Variants in DENND3 observed in about 807,000 individuals in gnomAD.
DENND3 encodes the protein DENN domain containing 3.
In DENND3, 88 loss-of-function variants were observed where a neutral mutation model predicts 135.1. The observed-to-expected ratio is 0.65, with a 90% CI of 0.55 to 0.78. The LOEUF is 0.78. DENND3 is among the 30% of genes least tolerant of loss of function. The pLI is 0.00. For missense variants in DENND3, 1,392 were observed against 1,688.4 expected, an observed-to-expected ratio of 0.82 and a Z score of 3.08; for synonymous variants, 693 against 712.3, an observed-to-expected ratio of 0.97 and a Z score of 0.43.
Position 141,168,237 on chromosome 8 carries a change from C to T in DENND3, c.1987C>T (p.Leu663=). 6.2e-7 allele frequency: 1 copy of T among 1,614,144 alleles called. No homozygotes were observed. The highest frequency in any genetic ancestry group is 1.3e-5 in the African/African-American group (1 of 75,022). ...LLNALLDFQN[L]YKTDIRIFPT... ...GAACGCCCTCTTGGACTTCCAGAAT[C>T]TGTATAAAACAGACATACGGATCTT... The change falls in exon 13 of 23, where the codon CTG becomes TTG. Residue 663 remains leucine, a synonymous_variant. Transcript: ENST00000519811. The surrounding 1 kb of genome is among the most constrained non-coding windows in gnomAD (Gnocchi z 6.2).
In DENND3 at chr8:141,155,884, T is replaced by C. The variant is rs776416287; in HGVS notation, c.1110T>C (p.His370=). ...GTTTAGTTCTGATAAATATTGATCATGGGAGCATCACCTACTCCAAGTCCA... is the reference window on the plus strand; with the variant it reads ...GTTTAGTTCTGATAAATATTGATCACGGGAGCATCACCTACTCCAAGTCCA... ...ADGLVLINID[H]GSITYSKSTD... The change falls in exon 8 of 23, where the codon CAT becomes CAC. Residue 370 remains histidine, a synonymous_variant. Transcript: ENST00000519811. 7.4e-6 allele frequency: 12 copies of C among 1,612,684 alleles called. No homozygotes were observed. Among genetic ancestry groups the C allele is most frequent in the Middle Eastern group, 1.7e-4 (1 of 6,056 alleles).
rs907069094 is a variant in DENND3, at chr8:141,130,829, G to A, written c.102+2020G>A. 1.3e-5 allele frequency among the ~76,000 whole-genome samples: 2 copies of A among 152,018 alleles called. No individual in the cohort carries two copies. Among genetic ancestry groups the A allele is most frequent in the South Asian group, 2.1e-4 (1 of 4,834 alleles). ...AGCCTCCTAAGTAGCTGGGATTACA[G>A]GCGTGTGCCACCATGCCCAGCTAAT... On this transcript the variant is annotated intron_variant, in intron 1 of 22. Coordinates refer to ENST00000519811, the MANE Select transcript of DENND3 (RefSeq NM_001352890.3). This position sits in a 1 kb window ranked among gnomAD's most constrained non-coding sequence, Gnocchi z 4.2.
chr8:141,172,107 A>G (rs1589661596), intron 13 of DENND3, among the ~76,000 whole-genome samples: 1 of 144,532 alleles, frequency 6.9e-6, no homozygotes, highest in East Asian at 2.1e-4. Context: ...GTGGGTGTGC[A>G]CGGTGGTGGG....
chr8:141,164,543 T>C (rs1820528608), intron 10 of DENND3, among the ~76,000 whole-genome samples: 1 of 152,220 alleles, frequency 6.6e-6, no homozygotes, highest in Admixed American at 6.5e-5. Context: ...GCCTTGGCTG[T>C]TGGGAGCGTG....
intron 17 of DENND3, among the ~76,000 whole-genome samples, chr8:141,183,732 TTTTG>T (rs1286516351): frequency 1.5e-5 from 2 of 137,480 alleles, no homozygotes; most frequent in Middle Eastern, 3.2e-3. Flanking sequence ...CAGTTTTTTG[TTTTG>T]TTTTTTTTTT....
At position 141,146,047 on chromosome 8, in the gene DENND3, C is replaced by T. The variant is rs1241515895; in HGVS notation, c.735+1788C>T. On this transcript the variant is annotated intron_variant, in intron 5 of 22. Coordinates refer to ENST00000519811, the MANE Select transcript of DENND3 (RefSeq NM_001352890.3). This position sits in a 1 kb window ranked among gnomAD's most constrained non-coding sequence, Gnocchi z 4.3. The stretch of plus-strand genomic sequence containing the variant: ...TATTTTTAGTAGAGATGGGGTTTCA[C>T]CTTGTTAGCCAGGGTGGTCTCGATC... Among the ~76,000 whole-genome samples the T allele has an allele frequency of 6.6e-6, 1 of 151,704 alleles. No individual in the cohort carries two copies. The highest frequency in any genetic ancestry group is 1.5e-5 in the Non-Finnish European group (1 of 67,906).
rs1046048066 is a variant in DENND3 at position 141,180,932 on chromosome 8, C to T, written c.2944+78C>T. On this transcript the variant is annotated intron_variant, in intron 17 of 22. Coordinates refer to ENST00000519811, the MANE Select transcript of DENND3 (RefSeq NM_001352890.3). ...CTTAGGTTTGGGTTCAGGGTCAGCC[C>T]TGAAGTGAAAGGGGAGCCAGTGTCA... is the stretch of plus-strand genomic sequence containing the variant. 6.4e-6 allele frequency: 8 copies of T among 1,254,128 alleles called. No homozygotes were observed. The African/African-American group carries it at 7.5e-5, about 12-fold the overall frequency. 77.7% of individuals were successfully genotyped at this position (1,254,128 alleles called of 1,614,324 possible).
At chr8:141,171,523 C>T (rs761365529) in intron 13 of DENND3, among the ~76,000 whole-genome samples, 4 of 152,260 alleles carry the variant, frequency 2.6e-5, no homozygotes, top group Admixed American at 6.5e-5. Flanking sequence ...GTATTGGAGG[C>T]GTGTGGGTGA....
chr8:141,130,248 A>G lies in DENND3; in HGVS notation c.102+1439A>G, dbSNP rs11785984. 0.11 allele frequency among the ~76,000 whole-genome samples: 16,802 copies of G among 152,014 alleles called. 983 individuals are homozygous for G. Among genetic ancestry groups the G allele is most frequent in the South Asian group, 0.17 (806 of 4,808 alleles). On this transcript the variant is annotated intron_variant, in intron 1 of 22. Coordinates refer to ENST00000519811, the MANE Select transcript of DENND3 (RefSeq NM_001352890.3). This position sits in a 1 kb window ranked among gnomAD's most constrained non-coding sequence, Gnocchi z 4.2. Reference sequence around the variant, plus strand: ...TTTCTTTATTATTATTATTATGTTAATAATAGAGAGGAGGTCTCACTGTGT... The same window carrying G: ...TTTCTTTATTATTATTATTATGTTAGTAATAGAGAGGAGGTCTCACTGTGT...
chr8:141,151,552 C>T (rs994624299), intron 6 of DENND3, 67 bp from the exon 7 acceptor site: 56 of 1,472,768 alleles, frequency 3.8e-5, no homozygotes, highest in Middle Eastern at 1.9e-4. Context: ...GGCAACACAG[C>T]GAGACCCTGT....
In DENND3 at chr8:141,128,846, G is replaced by A. The variant is rs984941680; in HGVS notation, c.102+37G>A. The A allele has an allele frequency of 4.5e-6, 6 of 1,335,972 alleles. No individual in the cohort carries two copies. The African/African-American group carries it at 6.1e-5, about 14-fold the overall frequency. 82.8% of individuals were successfully genotyped at this position (1,335,972 alleles called of 1,614,324 possible). On this transcript the variant is annotated intron_variant, in intron 1 of 22. Transcript: ENST00000519811. The surrounding 1 kb of genome is among the most constrained non-coding windows in gnomAD (Gnocchi z 4.5). Reference sequence around the variant, plus strand: ...GGAAACTGAGGCGGACGTGGGCCACGAGTCGGCAGCCGGGACAGCAGTCGG... The same window carrying A: ...GGAAACTGAGGCGGACGTGGGCCACAAGTCGGCAGCCGGGACAGCAGTCGG...
chr8:141,144,891 C>T lies in DENND3; in HGVS notation c.735+632C>T, dbSNP rs1817865852. On this transcript the variant is annotated intron_variant, in intron 5 of 22. Coordinates refer to ENST00000519811, the MANE Select transcript of DENND3 (RefSeq NM_001352890.3). This position sits in a 1 kb window ranked among gnomAD's most constrained non-coding sequence, Gnocchi z 4.4. ...TAATGTAGCTTACTTTCCAACCTGA[C>T]TCTGGTATAGCATCCATGACAGATA... 1.3e-5 allele frequency among the ~76,000 whole-genome samples: 2 copies of T among 152,234 alleles called. No individual in the cohort carries two copies. The highest frequency in any genetic ancestry group is 2.9e-5 in the Non-Finnish European group (2 of 68,046).
chr8:141,169,430 C>T (rs757202844), intron 13 of DENND3, among the ~76,000 whole-genome samples: 2 of 152,234 alleles, frequency 1.3e-5, no homozygotes, highest in South Asian at 2.1e-4. Context: ...GCTCCTTGTC[C>T]GGGAGAATTG....
Position 141,156,338 on chromosome 8 carries a change from C to T in DENND3, c.1196+368C>T, listed in dbSNP as rs576549713. On this transcript the variant is annotated intron_variant, in intron 8 of 22. Transcript: ENST00000519811. The stretch of plus-strand genomic sequence containing the variant: ...CTCCTGACCTCAAGTGATCTGCCCA[C>T]CTTGGCTTCCCAAAGTGCTGGGATT... 4.6e-5 allele frequency among the ~76,000 whole-genome samples: 7 copies of T among 152,292 alleles called. No individual in the cohort carries two copies. In the South Asian group the frequency reaches 1.5e-3, roughly 32 times the overall value.
chr8:141,145,378 G>C (rs540838707), intron 5 of DENND3, among the ~76,000 whole-genome samples: 4 of 152,146 alleles, frequency 2.6e-5, no homozygotes, highest in Admixed American at 2.6e-4. Context: ...ATGGACTGAT[G>C]TATGTCTTTG....
chr8:141,160,604 G>C (rs764307992), intron 8 of DENND3, 28 bp from the exon 9 acceptor site: 3 of 1,576,324 alleles, frequency 1.9e-6, no homozygotes, highest in South Asian at 2.3e-5. Flanking sequence ...TGCTGGGGCT[G>C]AGCTAGCTTC....
rs1815525361 is a variant in DENND3 at position 141,128,887 on chromosome 8, G to C, written c.102+78G>C. 8.9e-7 allele frequency: 1 copy of C among 1,121,872 alleles called. No homozygotes were observed. The highest frequency in any genetic ancestry group is 1.6e-5 in the African/African-American group (1 of 61,064). The allele number at this position is 1,121,872 out of a possible 1,614,324, so 69.5% of individuals were successfully genotyped here. On this transcript the variant is annotated intron_variant, in intron 1 of 22. Coordinates refer to ENST00000519811, the MANE Select transcript of DENND3 (RefSeq NM_001352890.3). This position sits in a 1 kb window ranked among gnomAD's most constrained non-coding sequence, Gnocchi z 4.5. Reference sequence around the variant, plus strand: ...CAGCAGTCGGAGAGCGGGCGCCCGGGTGCCCTGTGGGTTGGCGCGGACTTT... The same window carrying C: ...CAGCAGTCGGAGAGCGGGCGCCCGGCTGCCCTGTGGGTTGGCGCGGACTTT...
intron 20 of DENND3, 114 bp from the exon 21 acceptor site, chr8:141,192,217 G>C: frequency 6.9e-7 from 1 of 1,445,412 alleles, no homozygotes; most frequent in Non-Finnish European, 9.3e-7. Context: ...CAGGTGGCAC[G>C]TGGTGATCCC....
chr8:141,190,173 G>A (rs879014471), intron 19 of DENND3, 111 bp from the exon 20 acceptor site: 17 of 1,377,932 alleles, frequency 1.2e-5, no homozygotes, highest in Middle Eastern at 1.9e-4. Flanking sequence ...CAGGTTATCC[G>A]TGTTGAGCAC....
Sources: allele counts gnomAD v4.1 joint callset (sites outside exome capture counted in the v4.1 genomes callset), GRCh38; gene constraint gnomAD v4.1.1; non-coding constraint Gnocchi (gnomAD v3.1); transcripts MANE v1.5; gene names NCBI Gene and HGNC (gene_info 2026-07-23, HGNC 2026-07-21).